Variants in PTPRT observed in about 807,000 individuals in gnomAD.
PTPRT encodes the protein receptor-type tyrosine-protein phosphatase T.
In PTPRT, 56 loss-of-function variants were observed where a neutral mutation model predicts 176.8. The observed-to-expected ratio is 0.32, with a 90% CI of 0.26 to 0.40. The LOEUF (loss-of-function observed/expected upper bound fraction) is 0.40, where lower values mean the gene tolerates loss of function less well. Among genes scored for constraint, PTPRT ranks in the 10% least tolerant of loss-of-function variants. The pLI is 1.00. For synonymous variants in PTPRT, 783 were observed against 739.0 expected (o/e 1.06, Z -0.96); for missense variants, 1,540 against 1,908.2 (o/e 0.81, Z 3.60).
chr20:43,058,605 C>T (rs1419776522), intron 1 of PTPRT, among the ~76,000 whole-genome samples: 1 of 152,108 alleles, frequency 6.6e-6, no homozygotes, highest in East Asian at 1.9e-4. Context: ...AACAATATGT[C>T]ATTAAGCAAT....
chr20:42,084,098 A>G (rs899745673), intron 29 of PTPRT, among the ~76,000 whole-genome samples: 2 of 152,234 alleles, frequency 1.3e-5, no homozygotes, highest in African/African-American at 4.8e-5. Flanking sequence ...CAGACGAGGA[A>G]ACTCAGGCTT....
the PTPRT span, among the ~76,000 whole-genome samples, chr20:42,033,215 C>T: frequency 6.6e-6 from 1 of 152,110 alleles, no homozygotes; most frequent in Non-Finnish European, 1.5e-5. Context: ...TATAGGAAGG[C>T]GAAGAGTCTG....
intron 2 of PTPRT, among the ~76,000 whole-genome samples, chr20:42,823,397 G>C (rs1214569899): frequency 6.6e-6 from 1 of 152,092 alleles, no homozygotes; most frequent in Non-Finnish European, 1.5e-5. Context: ...AGGGGTGGCA[G>C]GGTGAGGGGA....
At chr20:42,805,202 G>A (rs1478114051) in intron 2 of PTPRT, among the ~76,000 whole-genome samples, 3 of 152,164 alleles carry the variant, frequency 2.0e-5, no homozygotes, top group East Asian at 1.9e-4. Flanking sequence ...AAGTCCTCAC[G>A]GAAAGACAGC....
At chr20:42,312,693 G>A (rs2057652838) in intron 12 of PTPRT, among the ~76,000 whole-genome samples, 1 of 151,726 alleles carries the variant, frequency 6.6e-6, no homozygotes, top group South Asian at 2.1e-4. Context: ...CAAAGCAAGA[G>A]TACATATGCA....
At chr20:42,578,911 G>GT (rs2073316344) in intron 7 of PTPRT, among the ~76,000 whole-genome samples, 1 of 147,980 alleles carries the variant, frequency 6.8e-6, no homozygotes, top group African/African-American at 2.5e-5. Flanking sequence ...TTGGGGGGGG[G>GT]TCGGTTTTTA....
intron 1 of PTPRT, among the ~76,000 whole-genome samples, chr20:43,112,929 T>C (rs2012922019): frequency 1.3e-5 from 2 of 152,140 alleles, no homozygotes; most frequent in African/African-American, 4.8e-5. Context: ...TCATTCATGA[T>C]ATAAACGTAT....
intron 2 of PTPRT, among the ~76,000 whole-genome samples, chr20:42,869,411 G>A (rs151165717): frequency 7.3e-4 from 111 of 152,270 alleles, no homozygotes; most frequent in African/African-American, 2.5e-3. Context: ...TGTCCAAAAG[G>A]CAGGACGTAG....
intron 7 of PTPRT, among the ~76,000 whole-genome samples, chr20:42,534,899 G>GT (rs747299151): frequency 6.6e-6 from 1 of 152,140 alleles, no homozygotes; most frequent in Non-Finnish European, 1.5e-5. Flanking sequence ...ACAATGGTAC[G>GT]TATTTGTTGA....
chr20:42,738,649 G>A (rs2076569207), intron 6 of PTPRT, among the ~76,000 whole-genome samples: 1 of 152,138 alleles, frequency 6.6e-6, no homozygotes, highest in African/African-American at 2.4e-5. Flanking sequence ...GTATCCCTGT[G>A]TCTAGAAGAT....
Position 42,084,824 on chromosome 20 carries a change from C to A in PTPRT, c.3994G>T (p.Val1332Phe). The change falls in exon 29 of 31, where the codon GTC becomes TTC. Residue 1332 changes from valine to phenylalanine, a missense_variant. This residue lies in a region of PTPRT where 342 missense variants were observed against 394.0 expected (regional missense o/e 0.87). Coordinates refer to ENST00000373187, the MANE Select transcript of PTPRT (RefSeq NM_007050.6). The stretch of plus-strand genomic sequence containing the variant: ...CAGCCAATGTACTGGAGGTGCTGGA[C>A]TATACGATAACCATCCTGTGGCTGA... ...MARPQDGYRI[V>F]QHLQYIGWPA... 1 of 1,485,112 alleles carries A rather than the reference C, an allele frequency of 6.7e-7. No individual in the cohort carries two copies. The highest frequency in any genetic ancestry group is 9.0e-7 in the Non-Finnish European group (1 of 1,106,596). The allele number at this position is 1,485,112 out of a possible 1,614,324, so 92.0% of individuals were successfully genotyped here. A position where few individuals can be genotyped will look rare whatever the true frequency, so the allele number is the denominator to read the frequency against.
intron 16 of PTPRT, among the ~76,000 whole-genome samples, chr20:42,190,859 G>A (rs1013012136): frequency 6.6e-6 from 1 of 152,084 alleles, no homozygotes; most frequent in Non-Finnish European, 1.5e-5. Context: ...AGGGCCTCGG[G>A]GTGTCAGGCT....
chr20:42,565,790 G>A (rs1045686874), intron 7 of PTPRT, among the ~76,000 whole-genome samples: 2 of 152,088 alleles, frequency 1.3e-5, no homozygotes, highest in Non-Finnish European at 2.9e-5. Flanking sequence ...TTGAGCTCCT[G>A]CAGCACTGCT....
intron 6 of PTPRT, among the ~76,000 whole-genome samples, chr20:42,692,274 A>T (rs900061432): frequency 2.0e-5 from 3 of 152,240 alleles, no homozygotes; most frequent in African/African-American, 7.2e-5. Flanking sequence ...TCTCCCTCGT[A>T]AACACGTAAA....
chr20:42,321,712 T>A (rs934567448), intron 11 of PTPRT, among the ~76,000 whole-genome samples: 1 of 152,226 alleles, frequency 6.6e-6, no homozygotes, highest in Non-Finnish European at 1.5e-5. Context: ...TCATGAGGTC[T>A]GAGATCTTGT....
chr20:42,671,143 C>A (rs956390170), intron 7 of PTPRT, among the ~76,000 whole-genome samples: 1 of 152,148 alleles, frequency 6.6e-6, no homozygotes, highest in Non-Finnish European at 1.5e-5. Context: ...CAGTTACTGA[C>A]CTCGGCATCC....
chr20:42,821,978 T>C (rs1404826578), intron 2 of PTPRT, among the ~76,000 whole-genome samples: 2 of 152,186 alleles, frequency 1.3e-5, no homozygotes, highest in Admixed American at 6.5e-5. Flanking sequence ...AAAATGGCCA[T>C]AATGCCCAAA....
At chr20:43,109,715 A>C (rs1329273889) in intron 1 of PTPRT, among the ~76,000 whole-genome samples, 1 of 152,200 alleles carries the variant, frequency 6.6e-6, no homozygotes, top group Non-Finnish European at 1.5e-5. Context: ...AAATATAGGG[A>C]ACATGACAGA....
chr20:42,970,876 T>A (rs1982594365), intron 1 of PTPRT: 1 of 152,258 alleles, frequency 6.6e-6, no homozygotes, highest in African/African-American at 2.4e-5. Flanking sequence ...GTATTTTTCC[T>A]CTGGTCTCCA....
Sources: gnomAD v4.1 joint callset for allele counts (sites outside exome capture counted in the v4.1 genomes callset) on GRCh38, gnomAD v4.1.1 for gene constraint, gnomAD v4.1.1 regional missense constraint, MANE v1.5 for transcripts, NCBI Gene and HGNC (gene_info 2026-07-23, HGNC 2026-07-21) for gene names.